The following INTS11 variants were observed in gnomAD, a reference collection of about 807,000 sequenced individuals.
INTS11 encodes integrator complex subunit 11, also known as CPSF3-like protein.
INTS11 carries 77 observed loss-of-function variants against 78.6 expected under a neutral mutation model. The observed-to-expected ratio is 0.98, with a 90% confidence interval of 0.81 to 1.18. INTS11 has a LOEUF of 1.18. Among genes scored for constraint, INTS11 ranks in the 50% most tolerant of loss-of-function variants. INTS11 has a pLI of 0.00. For synonymous variants in INTS11, 441 were observed against 326.9 expected (o/e 1.35, Z -3.77); for missense variants, 875 against 825.9 (o/e 1.06, Z -0.73).
At chr1:1,321,441 G>A (rs1027494557) in intron 1 of INTS11, among the ~76,000 whole-genome samples, 5 of 152,234 alleles carry the variant, frequency 3.3e-5, no homozygotes, top group Non-Finnish European at 5.9e-5. Context: ...CCAACACCTC[G>A]GTCAGAGTCA....
chr1:1,311,959 G>T (rs767332000), intron 16 of INTS11, 35 bp from the exon 17 acceptor site: 7 of 1,596,474 alleles, frequency 4.4e-6, no homozygotes, highest in Middle Eastern at 1.7e-4. Context: ...GGGTGGTGCA[G>T]GACAGGGAGG....
In INTS11 at chr1:1,314,188, A is replaced by G; in HGVS notation, c.767+113T>C. 1.9e-6 allele frequency: 2 copies of G among 1,044,914 alleles called. No homozygotes were observed. Among genetic ancestry groups the G allele is most frequent in the Non-Finnish European group, 2.9e-6 (2 of 687,488 alleles). 64.7% of individuals were successfully genotyped at this position (1,044,914 alleles called of 1,614,324 possible). On this transcript the variant is annotated intron_variant, in intron 8 of 16. Transcript: ENST00000435064. This position sits in a 1 kb window ranked among gnomAD's most constrained non-coding sequence, Gnocchi z 4.2. ...CAGCACACGAGCGGCCCCCCAGGAC[A>G]GCAGCAAGCAGGGCCAAGATGCCAC...
At position 1,312,269 on chromosome 1, in the gene INTS11, T is replaced by C; in HGVS notation, c.1564A>G (p.Lys522Glu). ...ACGCGCAATGCCGTCTCCTGCTCCT[T>C]GCGTGTGTCATGCAGGTGCACGCGG... Reference protein sequence around the residue: ...TCRVHLHDTRKEQETALRVYS... With the variant: ...TCRVHLHDTREEQETALRVYS... The change falls in exon 15 of 17, where the codon AAG becomes GAG. Residue 522 changes from lysine to glutamate, a missense_variant. Coordinates refer to ENST00000435064, the MANE Select transcript of INTS11 (RefSeq NM_017871.6). 6.5e-7 allele frequency: 1 copy of C among 1,548,422 alleles called. No homozygotes were observed.
chr1:1,314,742 C>T lies in INTS11; in HGVS notation c.702+82G>A. 1 of 1,515,010 alleles carries T rather than the reference C, an allele frequency of 6.6e-7. No individual in the cohort carries two copies. Among genetic ancestry groups the T allele is most frequent in the Non-Finnish European group, 9.0e-7 (1 of 1,108,984 alleles). 93.8% of individuals were successfully genotyped at this position (1,515,010 alleles called of 1,614,324 possible). A position where few individuals can be genotyped will look rare whatever the true frequency, so the allele number is the denominator to read the frequency against. ...GTACCCCCCACCCTGAGACCCTGAC[C>T]CATGCCAAGGGCAGCCAAGCCTGCC... On this transcript the variant is annotated intron_variant, in intron 7 of 16. Coordinates refer to ENST00000435064, the MANE Select transcript of INTS11 (RefSeq NM_017871.6). The surrounding 1 kb of genome is among the most constrained non-coding windows in gnomAD (Gnocchi z 4.2).
rs778939217 is a variant in INTS11 at position 1,313,131 on chromosome 1, G to A, written c.1042-7C>T. ...AGTAGCCGGGCATGATGACCTGGGG[G>A]CAGGCACAGAGCTCACAGCCAGGGA... On this transcript the variant is annotated splice_region_variant and splice_polypyrimidine_tract_variant and intron_variant, in intron 10 of 16. Coordinates refer to ENST00000435064, the MANE Select transcript of INTS11 (RefSeq NM_017871.6). 1.2e-6 allele frequency: 2 copies of A among 1,604,288 alleles called. No individual in the cohort carries two copies. The highest frequency in any genetic ancestry group is 2.2e-5 in the South Asian group (2 of 90,716).
rs761293670 is a variant in INTS11, at chr1:1,324,642, G to C, written c.-34C>G. Reference sequence around the variant, plus strand: ...CCGCGCTCCCGGACCCGCGAGGCCCGCCTGCGGTGATGCACTGCGCAGGCG... The same window carrying C: ...CCGCGCTCCCGGACCCGCGAGGCCCCCCTGCGGTGATGCACTGCGCAGGCG... On this transcript the variant is annotated 5_prime_UTR_variant, in exon 1 of 17. Transcript: ENST00000435064. 21 of 1,597,740 alleles carry C rather than the reference G, an allele frequency of 1.3e-5. No individual in the cohort carries two copies. In the South Asian group the frequency reaches 2.0e-4, roughly 15 times the overall value.
intron 3 of INTS11, 153 bp from the exon 4 acceptor site, chr1:1,319,677 T>G (rs1642831739): frequency 1.7e-6 from 1 of 594,170 alleles, no homozygotes; most frequent in Non-Finnish European, 3.0e-6. Flanking sequence ...AACACAAAAC[T>G]GTCTCCCTGG....
chr1:1,314,934 T>A lies in INTS11; in HGVS notation c.592A>T (p.Asn198Tyr). 6.2e-7 allele frequency: 1 copy of A among 1,612,864 alleles called. No individual in the cohort carries two copies. The highest frequency in any genetic ancestry group is 8.5e-7 in the Non-Finnish European group (1 of 1,179,844). The change falls in exon 7 of 17, where the codon AAC becomes TAC. Residue 198 changes from asparagine (N) to tyrosine (Y), a missense_variant. By Grantham distance (143) the Asn-to-Tyr change is moderately radical. Transcript: ENST00000435064. This position sits in a 1 kb window ranked among gnomAD's most constrained non-coding sequence, Gnocchi z 4.2. ...TACGTGGACTCTGTGATGAGCAGGT[T>A]GGGGCGGCACTTGTCAATCCAGGCA... ...GAAWIDKCRP[N>Y]LLITESTYAT... is the part of the protein sequence containing the mutation.
rs1557628693 is a variant in INTS11, at chr1:1,312,213, G to GGGGGC, written c.1607+12_1607+13insGCCCC. On this transcript the variant is annotated intron_variant, in intron 15 of 16. Transcript: ENST00000435064. ...CCCAAGGGAGTGGGGGGGGGGCGGG[G>GGGGGC]CCGGGCGCCCACCTCTTGAGGTGGC... 8 of 934,832 alleles carry GGGGGC rather than the reference G, an allele frequency of 8.6e-6. No individual in the cohort carries two copies. Among genetic ancestry groups the GGGGGC allele is most frequent in the South Asian group, 1.5e-5 (1 of 67,428 alleles). 57.9% of individuals were successfully genotyped at this position (934,832 alleles called of 1,614,324 possible). A position where few individuals can be genotyped will look rare whatever the true frequency, so the allele number is the denominator to read the frequency against.
chr1:1,312,191 A>G, intron 15 of INTS11, 35 bp downstream of exon 15: 1 of 1,217,420 alleles, frequency 8.2e-7, no homozygotes, highest in South Asian at 1.8e-5. Flanking sequence ...TCCAGGGCCC[A>G]AGGGAGTGGG....
rs759319030 is a variant in INTS11 at position 1,314,802 on chromosome 1, T to A, written c.702+22A>T. The A allele has an allele frequency of 6.2e-7, 1 of 1,603,204 alleles. No individual in the cohort carries two copies. Among genetic ancestry groups the A allele is most frequent in the Non-Finnish European group, 8.5e-7 (1 of 1,172,408 alleles). On this transcript the variant is annotated intron_variant, in intron 7 of 16. Transcript: ENST00000435064. This position sits in a 1 kb window ranked among gnomAD's most constrained non-coding sequence, Gnocchi z 4.2. ...AGCCCAGCATGGCCGAGGGCCCATG[T>A]CCCCACCCCTGCTGCAGCTACCTTC...
rs1360564108 is a variant in INTS11, at chr1:1,321,102, G to C, written c.29-9C>G. On this transcript the variant is annotated splice_polypyrimidine_tract_variant and intron_variant, in intron 1 of 16. Coordinates refer to ENST00000435064, the MANE Select transcript of INTS11 (RefSeq NM_017871.6). ...CACGTCCTGGCCGGCCCCTACTCGA[G>C]GGAGGGCAGATGAGTCACTGCTGCG... The C allele has an allele frequency of 6.2e-7, 1 of 1,605,756 alleles. No homozygotes were observed. The highest frequency in any genetic ancestry group is 8.5e-7 in the Non-Finnish European group (1 of 1,175,138).
At chr1:1,315,896 A>C (rs189491393) in intron 4 of INTS11, among the ~76,000 whole-genome samples, 1 of 152,034 alleles carries the variant, frequency 6.6e-6, no homozygotes, top group Admixed American at 6.6e-5. Context: ...CCTGTTGCTC[A>C]CACACAGCAT....
At chr1:1,319,133 C>A in intron 4 of INTS11, 163 bp downstream of exon 4, 5 of 804,186 alleles carry the variant, frequency 6.2e-6, no homozygotes, top group Non-Finnish European at 1.1e-5. Flanking sequence ...CGCATCCTCG[C>A]GCTGACGCCT....
Position 1,312,213 on chromosome 1 carries a change from G to GGGGGGCCCCCCCCC in INTS11, c.1607+12_1607+13insGGGGGGGGGCCCCC, listed in dbSNP as rs1557628693. The GGGGGGCCCCCCCCC allele has an allele frequency of 9.6e-6, 9 of 934,636 alleles. No homozygotes were observed. The highest frequency in any genetic ancestry group is 1.3e-5 in the Non-Finnish European group (8 of 636,594). 57.9% of individuals were successfully genotyped at this position (934,636 alleles called of 1,614,324 possible). ...CCCAAGGGAGTGGGGGGGGGGCGGGGCCGGGCGCCCACCTCTTGAGGTGGC... is the reference window on the plus strand; with the variant it reads ...CCCAAGGGAGTGGGGGGGGGGCGGGGGGGGGCCCCCCCCCCCGGGCGCCCACCTCTTGAGGTGGC... On this transcript the variant is annotated intron_variant, in intron 15 of 16. Coordinates refer to ENST00000435064, the MANE Select transcript of INTS11 (RefSeq NM_017871.6).
chr1:1,323,153 G>C (rs557962718), intron 1 of INTS11: 1 of 1,549,064 alleles, frequency 6.5e-7, no homozygotes, highest in East Asian at 2.4e-5. Context: ...ACACCGGGGC[G>C]GGGGGCACCC....
Position 1,312,165 on chromosome 1 carries a change from G to GA in INTS11, c.1608-19dup. 1.4e-6 allele frequency: 2 copies of GA among 1,478,956 alleles called. No individual in the cohort carries two copies. Among genetic ancestry groups the GA allele is most frequent in the Non-Finnish European group, 1.8e-6 (2 of 1,121,320 alleles). 91.6% of individuals were successfully genotyped at this position (1,478,956 alleles called of 1,614,324 possible). Reference sequence around the variant, plus strand: ...TCAGGACGCTGTGGGGAGGCTCGGTGAGACCCTGCCTGGCCTCCAGGGCCC... The same window carrying GA: ...TCAGGACGCTGTGGGGAGGCTCGGTGAAGACCCTGCCTGGCCTCCAGGGCCC... On this transcript the variant is annotated intron_variant, in intron 15 of 16. Transcript: ENST00000435064.
intron 4 of INTS11, chr1:1,316,016 G>A (rs1642584883): frequency 3.8e-6 from 1 of 265,972 alleles, no homozygotes; most frequent in Non-Finnish European, 7.3e-6. Context: ...ACATGACAGA[G>A]AAAAGACAAG....
At chr1:1,318,797 GAC>G (rs917250460) in intron 4 of INTS11, 5 of 586,938 alleles carry the variant, frequency 8.5e-6, no homozygotes, top group Admixed American at 3.3e-5. Flanking sequence ...ATTCGAGTGA[GAC>G]ACAGACAAAC....
Sources: allele counts gnomAD v4.1 joint callset (sites outside exome capture counted in the v4.1 genomes callset), GRCh38; gene constraint gnomAD v4.1.1; non-coding constraint Gnocchi (gnomAD v3.1); transcripts MANE v1.5; gene names NCBI Gene and HGNC (gene_info 2026-07-23, HGNC 2026-07-21).